Variants in PAK5 observed in about 807,000 individuals in gnomAD.
The protein encoded by PAK5 is p21 (RAC1) activated kinase 5, also known as serine/threonine-protein kinase PAK 5.
In PAK5, 16 loss-of-function variants were observed where a neutral mutation model predicts 65.9. The ratio of observed to expected loss-of-function variants is 0.24; its 90% CI spans 0.16 to 0.37. The LOEUF (loss-of-function observed/expected upper bound fraction) is 0.37, where lower values mean the gene tolerates loss of function less well. Among genes scored for constraint, PAK5 ranks in the 10% least tolerant of loss-of-function variants. PAK5 has a pLI of 1.00. For synonymous variants in PAK5, 371 were observed against 354.9 expected (o/e 1.05, Z -0.51); for missense variants, 785 against 903.9 (o/e 0.87, Z 1.69).
intron 3 of PAK5, among the ~76,000 whole-genome samples, chr20:9,591,368 C>A (rs2046167368): frequency 6.6e-6 from 1 of 151,938 alleles, no homozygotes; most frequent in South Asian, 2.1e-4. Flanking sequence ...TAGTCAAAAC[C>A]CAGAAAGACA....
At chr20:9,738,012 G>A (rs1348538947) in intron 1 of PAK5, among the ~76,000 whole-genome samples, 4 of 152,038 alleles carry the variant, frequency 2.6e-5, no homozygotes, top group African/African-American at 4.8e-5. Flanking sequence ...GTGGTGGCAC[G>A]TGCCTGTAGT....
chr20:9,590,415 A>C (rs2046147624), intron 3 of PAK5, among the ~76,000 whole-genome samples: 1 of 152,200 alleles, frequency 6.6e-6, no homozygotes, highest in Non-Finnish European at 1.5e-5. Flanking sequence ...CTGTTTTTGT[A>C]AATATTTACA....
chr20:9,766,143 A>T (rs62192891), intron 1 of PAK5, among the ~76,000 whole-genome samples: 66,195 of 150,696 alleles, frequency 0.44, 14,968 homozygotes, highest in East Asian at 0.79. Context: ...AATCACTTGA[A>T]CCCGGAAGGC....
intron 2 of PAK5, among the ~76,000 whole-genome samples, chr20:9,664,967 C>T (rs2047394373): frequency 6.6e-6 from 1 of 151,922 alleles, no homozygotes; most frequent in African/African-American, 2.4e-5. Context: ...TGTTCTGTTG[C>T]CCAGGCTAGA....
chr20:9,639,440 T>G (rs897841912), intron 3 of PAK5, among the ~76,000 whole-genome samples: 1 of 152,092 alleles, frequency 6.6e-6, no homozygotes, highest in African/African-American at 2.4e-5. Context: ...TGTCCTTCAG[T>G]TAAATGGATT....
At position 9,636,643 on chromosome 20, in the gene PAK5, T is replaced by C. The variant is rs112426596; in HGVS notation, c.204+7482A>G. On this transcript the variant is annotated intron_variant, in intron 3 of 9. Transcript: ENST00000353224. ...GCTAAATTAGAAAAGGGATGGTAAA[T>C]AAGGATCTAACAATTTAAAAAACTT... Among the ~76,000 whole-genome samples, 1,497 of 152,248 alleles carry C rather than the reference T, an allele frequency of 9.8e-3. 23 individuals carry two copies. The highest frequency in any genetic ancestry group is 0.034 in the African/African-American group (1,400 of 41,546).
chr20:9,839,064 T>A lies in PAK5; in HGVS notation c.-464A>T, dbSNP rs929880570. 6.7e-6 allele frequency: 1 copy of A among 148,976 alleles called. No individual in the cohort carries two copies. The highest frequency in any genetic ancestry group is 2.2e-4 in the South Asian group (1 of 4,630). 9.2% of individuals were successfully genotyped at this position (148,976 alleles called of 1,614,324 possible). A position where few individuals can be genotyped will look rare whatever the true frequency, so the allele number is the denominator to read the frequency against. On this transcript the variant is annotated 5_prime_UTR_variant, in exon 1 of 10. Coordinates refer to ENST00000353224, the MANE Select transcript of PAK5 (RefSeq NM_177990.4). ...TCGTGGCAGCCGGCGGGAGGCAGGC[T>A]GTAGCGGCGGCCGGGGGTGGAGGTG...
At chr20:9,635,761 G>A (rs138433419) in intron 3 of PAK5, among the ~76,000 whole-genome samples, 12 of 152,142 alleles carry the variant, frequency 7.9e-5, no homozygotes, top group African/African-American at 2.7e-4. Flanking sequence ...GCAGAAGCAG[G>A]TCTAAAAGAA....
intron 1 of PAK5, among the ~76,000 whole-genome samples, chr20:9,749,294 T>C (rs1247991524): frequency 6.6e-6 from 1 of 152,138 alleles, no homozygotes; most frequent in Non-Finnish European, 1.5e-5. Context: ...CAGATAAAAA[T>C]ATAACCTTCA....
In PAK5 at chr20:9,580,625, C is replaced by T. The variant is rs774970992; in HGVS notation, c.510G>A (p.Gly170=). The T allele has an allele frequency of 1.2e-6, 2 of 1,614,008 alleles. No individual in the cohort carries two copies. The highest frequency in any genetic ancestry group is 1.7e-6 in the Non-Finnish European group (2 of 1,179,980). Residue 170 remains glycine (G), a synonymous_variant, in exon 4 of 10, where the codon GGG becomes GGA. Coordinates refer to ENST00000353224, the MANE Select transcript of PAK5 (RefSeq NM_177990.4). ...CCCCGTGCTTCATTTTCATTACGTG[C>T]CCATTTTGCTTGGCTGCGTGGCTGC... is the stretch of plus-strand genomic sequence containing the variant. ...YRGSHAAKQN[G]HVMKMKHGEA... is the part of the protein sequence containing the mutation.
chr20:9,641,140 T>C (rs2047053966), intron 3 of PAK5, among the ~76,000 whole-genome samples: 1 of 151,972 alleles, frequency 6.6e-6, no homozygotes, highest in South Asian at 2.1e-4. Flanking sequence ...TCAGATTAGT[T>C]AGATACAGAG....
chr20:9,726,665 G>C (rs2018891), intron 1 of PAK5, among the ~76,000 whole-genome samples: 71,564 of 151,832 alleles, frequency 0.47, 16,969 homozygotes, highest in South Asian at 0.63. Context: ...GTATTTAAAA[G>C]TATTAGTGAC....
At chr20:9,836,209 A>G (rs1041178275) in intron 1 of PAK5, among the ~76,000 whole-genome samples, 1 of 152,178 alleles carries the variant, frequency 6.6e-6, no homozygotes, top group Non-Finnish European at 1.5e-5. Context: ...TAATGTTGTC[A>G]TCAAACACAG....
chr20:9,734,552 G>GCACACACACACACACACACACA (rs56706449), intron 1 of PAK5, among the ~76,000 whole-genome samples: 2 of 149,472 alleles, frequency 1.3e-5, no homozygotes, highest in East Asian at 2.0e-4. Context: ...ACGCGCACAT[G>GCACACACACACACACACACACA]CACACACACA....
chr20:9,545,207 C>T (rs2045325941), intron 7 of PAK5, among the ~76,000 whole-genome samples: 1 of 152,064 alleles, frequency 6.6e-6, no homozygotes, highest in South Asian at 2.1e-4. Flanking sequence ...ATGTTATTTA[C>T]CTTAGATATC....
intron 1 of PAK5, among the ~76,000 whole-genome samples, chr20:9,730,801 G>A (rs781362021): frequency 6.6e-6 from 1 of 152,174 alleles, no homozygotes; most frequent in African/African-American, 2.4e-5. Flanking sequence ...TTGTATGCTG[G>A]TTTGCTGTGC....
chr20:9,759,952 AT>A (rs572537214), intron 1 of PAK5, among the ~76,000 whole-genome samples: 321 of 152,306 alleles, frequency 2.1e-3, no homozygotes, highest in Admixed American at 7.1e-3. Flanking sequence ...TTAGGAAAGA[AT>A]ACAGCTTTGA....
chr20:9,731,117 A>ATCAC (rs1375335185), intron 1 of PAK5, among the ~76,000 whole-genome samples: 2 of 152,232 alleles, frequency 1.3e-5, no homozygotes, highest in African/African-American at 4.8e-5. Flanking sequence ...GCTCTAAAGT[A>ATCAC]TCACTGTCTA....
intron 1 of PAK5, among the ~76,000 whole-genome samples, chr20:9,748,048 A>G (rs1243218734): frequency 2.0e-5 from 3 of 152,214 alleles, no homozygotes; most frequent in Non-Finnish European, 4.4e-5. Context: ...AATAACAGAT[A>G]AACAGAGAGC....
Sources: allele counts gnomAD v4.1 joint callset (sites outside exome capture counted in the v4.1 genomes callset), GRCh38; gene constraint gnomAD v4.1.1; transcripts MANE v1.5; gene names NCBI Gene and HGNC (gene_info 2026-07-23, HGNC 2026-07-21).